The following ITGA9 variants were observed in gnomAD, a reference collection of about 807,000 sequenced individuals.
ITGA9 encodes the protein integrin subunit alpha 9.
Under a neutral mutation model 127.8 loss-of-function variants are expected in ITGA9, and 56 were observed. The observed-to-expected ratio is 0.44, with a 90% CI of 0.35 to 0.55. ITGA9 has a LOEUF of 0.55. Among genes scored for constraint, ITGA9 ranks in the 20% least tolerant of loss-of-function variants. ITGA9 has a pLI of 0.00. For missense variants in ITGA9, 1,196 were observed against 1,347.1 expected (o/e 0.89, Z 1.76); for synonymous variants, 508 against 514.5 (o/e 0.99, Z 0.17).
chr3:37,548,944 T>C (rs166508), intron 15 of ITGA9, among the ~76,000 whole-genome samples: 67,545 of 152,058 alleles, frequency 0.44, 15,885 homozygotes, highest in East Asian at 0.72. Flanking sequence ...GAGGGGAAGG[T>C]TGGGATGCAT....
intron 15 of ITGA9, among the ~76,000 whole-genome samples, chr3:37,619,727 G>A (rs550673218): frequency 1.3e-5 from 2 of 152,356 alleles, no homozygotes; most frequent in South Asian, 4.1e-4. Context: ...CAAGGTGCCA[G>A]CCAGATCTTT....
intron 13 of ITGA9, among the ~76,000 whole-genome samples, chr3:37,530,308 T>C (rs886601342): frequency 1.2e-4 from 18 of 152,120 alleles, no homozygotes; most frequent in Non-Finnish European, 2.5e-4. Flanking sequence ...TTACTTTAGG[T>C]TTTGGGTGGG....
intron 16 of ITGA9, among the ~76,000 whole-genome samples, chr3:37,641,648 G>A (rs777479028): frequency 4.6e-5 from 7 of 151,982 alleles, no homozygotes; most frequent in Admixed American, 6.6e-5. Flanking sequence ...ACCTCCTCCC[G>A]CTGAGGAGCT....
intron 18 of ITGA9, among the ~76,000 whole-genome samples, chr3:37,716,976 C>A (rs756361300): frequency 9.2e-5 from 14 of 152,150 alleles, no homozygotes; most frequent in Non-Finnish European, 1.6e-4. Flanking sequence ...GTATTGATCA[C>A]CGAGGTTCTT....
intron 27 of ITGA9, among the ~76,000 whole-genome samples, chr3:37,811,576 C>T (rs1410563943): frequency 6.6e-6 from 1 of 152,210 alleles, no homozygotes; most frequent in Non-Finnish European, 1.5e-5. Context: ...TCTCACCCTC[C>T]TCCCCTCCCC....
At chr3:37,497,929 G>C (rs1378796778) in intron 5 of ITGA9, among the ~76,000 whole-genome samples, 2 of 152,214 alleles carry the variant, frequency 1.3e-5, no homozygotes, top group East Asian at 3.8e-4. Flanking sequence ...CTGGTAGGAG[G>C]CCGTGATGTG....
At chr3:37,596,662 T>C (rs1699873704) in intron 15 of ITGA9, among the ~76,000 whole-genome samples, 1 of 152,106 alleles carries the variant, frequency 6.6e-6, no homozygotes, top group Admixed American at 6.5e-5. Flanking sequence ...AAAGGGGTTG[T>C]ACCTTAGGTG....
chr3:37,700,385 A>T (rs1575198814), intron 18 of ITGA9, among the ~76,000 whole-genome samples: 1 of 145,868 alleles, frequency 6.9e-6, no homozygotes, highest in South Asian at 2.2e-4. Context: ...ACAAGGTCTC[A>T]CTCTGTTGCC....
chr3:37,694,427 C>T (rs1056183207), intron 18 of ITGA9, among the ~76,000 whole-genome samples: 2 of 152,218 alleles, frequency 1.3e-5, no homozygotes, highest in Non-Finnish European at 2.9e-5. Context: ...GCGCTTCCTG[C>T]GGCAGTCGGC....
In ITGA9 at chr3:37,526,056, G is replaced by A. The variant is rs1699089969; in HGVS notation, c.1358G>A (p.Ser453Asn). 1 of 1,614,118 alleles carries A rather than the reference G, an allele frequency of 6.2e-7. No homozygotes were observed. The highest frequency in any genetic ancestry group is 1.3e-5 in the African/African-American group (1 of 75,050). Residue 453 changes from serine (S) to asparagine (N), a missense_variant, in exon 13 of 28, where the codon AGC (serine) becomes AAC (asparagine). Physicochemically the swap from Ser to Asn is conservative, Grantham distance 46. Transcript: ENST00000264741. ...ACTGTTGGAGCCTTCATGTCCGACA[G>A]CGTGGTTCTTCTCAGGTGAGAGGCC... is the stretch of plus-strand genomic sequence containing the variant. Reference protein sequence around the residue: ...DVTVGAFMSDSVVLLRARPVI... With the variant: ...DVTVGAFMSDNVVLLRARPVI...
intron 15 of ITGA9, among the ~76,000 whole-genome samples, chr3:37,553,588 C>T (rs1020379581): frequency 6.6e-6 from 1 of 152,214 alleles, no homozygotes; most frequent in Admixed American, 6.5e-5. Context: ...TTTTTAACTC[C>T]TCCTTTAAAG....
chr3:37,618,587 C>T (rs1700097678), intron 15 of ITGA9, among the ~76,000 whole-genome samples: 1 of 152,232 alleles, frequency 6.6e-6, no homozygotes, highest in South Asian at 2.1e-4. Flanking sequence ...AGGCAGACCT[C>T]CTTGAGCTCC....
At chr3:37,469,508 A>G (rs1358323600) in intron 1 of ITGA9, among the ~76,000 whole-genome samples, 1 of 152,182 alleles carries the variant, frequency 6.6e-6, no homozygotes, top group Non-Finnish European at 1.5e-5. Context: ...CAGTTATCAC[A>G]AATTTGTATA....
At chr3:37,547,995 G>T (rs1425845062) in intron 15 of ITGA9, among the ~76,000 whole-genome samples, 1 of 152,138 alleles carries the variant, frequency 6.6e-6, no homozygotes, top group Admixed American at 6.5e-5. Flanking sequence ...GCAAATAGTA[G>T]TATACTGTGT....
At chr3:37,649,760 ACATT>A (rs1700412998) in intron 16 of ITGA9, among the ~76,000 whole-genome samples, 1 of 152,248 alleles carries the variant, frequency 6.6e-6, no homozygotes. Context: ...CAGTGGAAGA[ACATT>A]CATTTTTCTC....
At chr3:37,483,061 G>A (rs79624267) in intron 4 of ITGA9, among the ~76,000 whole-genome samples, 20 of 152,162 alleles carry the variant, frequency 1.3e-4, no homozygotes, top group African/African-American at 4.1e-4. Flanking sequence ...TGGAACAACC[G>A]GTGGGGCAGC....
chr3:37,502,024 G>C (rs754168028), intron 5 of ITGA9, among the ~76,000 whole-genome samples: 2 of 152,092 alleles, frequency 1.3e-5, no homozygotes, highest in Non-Finnish European at 2.9e-5. Context: ...TTCCATTATC[G>C]TATCACCCAG....
rs78764714 is a variant in ITGA9, at chr3:37,590,097, A to G, written c.1690-39090A>G. ...ATTACCAGCCAAGGATGTGATGCAT[A>G]GTATTCTGGAGCTCCTTTTTAAAAA... On this transcript the variant is annotated intron_variant, in intron 15 of 27. Transcript: ENST00000264741. 3.9e-3 allele frequency among the ~76,000 whole-genome samples: 600 copies of G among 152,226 alleles called. 3 individuals carry two copies. The highest frequency in any genetic ancestry group is 5.1e-3 in the Non-Finnish European group (350 of 68,006).
intron 15 of ITGA9, among the ~76,000 whole-genome samples, chr3:37,556,479 C>T (rs1468888336): frequency 1.3e-5 from 2 of 152,210 alleles, no homozygotes; most frequent in African/African-American, 2.4e-5. Flanking sequence ...GGTAAGGCAG[C>T]TCTCGGAGCT....
Sources: gnomAD v4.1 joint callset for allele counts (sites outside exome capture counted in the v4.1 genomes callset) on GRCh38, gnomAD v4.1.1 for gene constraint, MANE v1.5 for transcripts, NCBI Gene and HGNC (gene_info 2026-07-23, HGNC 2026-07-21) for gene names.